BPIFC: variants seen among roughly 807,000 people sequenced by gnomAD.
BPIFC encodes BPI fold-containing family C protein.
BPIFC carries 60 observed loss-of-function variants against 57.6 expected under a neutral mutation model. That is an observed-to-expected ratio of 1.04 (90% CI 0.85 to 1.29). The LOEUF is 1.29. Among genes scored for constraint, BPIFC ranks in the 50% most tolerant of loss-of-function variants. The pLI is 0.00. For missense variants in BPIFC, 581 were observed against 600.5 expected (o/e 0.97, Z 0.34); for synonymous variants, 243 against 224.5 (o/e 1.08, Z -0.74).
chr22:32,459,621 C>A, intron 2 of BPIFC, among the ~76,000 whole-genome samples: 1 of 151,924 alleles, frequency 6.6e-6, no homozygotes, highest in East Asian at 1.9e-4. Context: ...CGAGATCATG[C>A]CACTGCACTC....
chr22:32,454,207 G>C (rs1194427949), intron 3 of BPIFC, among the ~76,000 whole-genome samples: 2 of 152,116 alleles, frequency 1.3e-5, no homozygotes, highest in African/African-American at 2.4e-5. Flanking sequence ...GTGTGCTATG[G>C]ACAGTTCCAG....
At chr22:32,443,191 T>A (rs1934616513) in intron 7 of BPIFC, among the ~76,000 whole-genome samples, 1 of 145,420 alleles carries the variant, frequency 6.9e-6, no homozygotes, top group African/African-American at 2.6e-5. Context: ...TGAGACGAAG[T>A]CTCGCTCTGT....
In BPIFC at chr22:32,461,679, T is replaced by C. The variant is rs1935162812; in HGVS notation, c.-88-18A>G. 2 of 981,682 alleles carry C rather than the reference T, an allele frequency of 2.0e-6. No homozygotes were observed. The highest frequency in any genetic ancestry group is 6.2e-5 in the Admixed American group (1 of 16,258). The allele number at this position is 981,682 out of a possible 1,614,324, so 60.8% of individuals were successfully genotyped here. A position where few individuals can be genotyped will look rare whatever the true frequency, so the allele number is the denominator to read the frequency against. ...AAGGTGTCCTGGAAAGGGGGATAAG[T>C]AGAGATGAACTATGGGAGTGAGGAG... On this transcript the variant is annotated intron_variant, in intron 1 of 16. Transcript: ENST00000300399.
intron 13 of BPIFC, among the ~76,000 whole-genome samples, chr22:32,427,691 G>T (rs920343948): frequency 1.3e-5 from 2 of 152,016 alleles, no homozygotes; most frequent in Non-Finnish European, 2.9e-5. Context: ...ATGCTCTCTG[G>T]CTTTCATCCT....
chr22:32,415,844 C>G (rs1380118463), intron 16 of BPIFC, 71 bp downstream of exon 16: 1 of 1,092,224 alleles, frequency 9.2e-7, no homozygotes, highest in African/African-American at 1.7e-5. Flanking sequence ...CAAAAACAAG[C>G]AAAACAGGAG....
At chr22:32,451,661 C>T (rs570180653) in intron 4 of BPIFC, among the ~76,000 whole-genome samples, 4 of 151,900 alleles carry the variant, frequency 2.6e-5, no homozygotes, top group African/African-American at 4.8e-5. Flanking sequence ...CAAACCTGCA[C>T]GTCGTGCACA....
chr22:32,446,054 T>C, intron 5 of BPIFC, 58 bp from the exon 6 acceptor site: 1 of 1,580,892 alleles, frequency 6.3e-7, no homozygotes. Flanking sequence ...ATGGATCTTG[T>C]TTCTCTGATT....
intron 6 of BPIFC, 37 bp from the exon 7 acceptor site, chr22:32,445,735 A>G (rs2145950576): frequency 6.6e-7 from 1 of 1,520,378 alleles, no homozygotes; most frequent in East Asian, 2.3e-5. Context: ...AAAAAAAAAA[A>G]GAGGTTACTC....
chr22:32,439,332 A>G (rs575786304), intron 8 of BPIFC, among the ~76,000 whole-genome samples: 17 of 152,248 alleles, frequency 1.1e-4, no homozygotes, highest in Admixed American at 1.0e-3. Context: ...TCTAAAAAAA[A>G]AAAAATAAAT....
intron 2 of BPIFC, among the ~76,000 whole-genome samples, chr22:32,458,250 C>T (rs1935086223): frequency 6.6e-6 from 1 of 152,162 alleles, no homozygotes; most frequent in Non-Finnish European, 1.5e-5. Flanking sequence ...CACTGGCTAA[C>T]TTGATCTTTC....
In BPIFC at chr22:32,434,512, C is replaced by A. The variant is rs190020252; in HGVS notation, c.925-740G>T. Among the ~76,000 whole-genome samples, 53 of 150,246 alleles carry A rather than the reference C, an allele frequency of 3.5e-4. No individual in the cohort carries two copies. In the East Asian group the frequency reaches 0.01, roughly 29 times the overall value. On this transcript the variant is annotated intron_variant, in intron 10 of 16. Transcript: ENST00000300399. ...ATATTACAATCTATATGTACATAGTCTTTATTTATATATATATTACAATCT... is the reference window on the plus strand; with the variant it reads ...ATATTACAATCTATATGTACATAGTATTTATTTATATATATATTACAATCT...
chr22:32,428,682 G>C (rs1219238010), intron 13 of BPIFC, among the ~76,000 whole-genome samples: 1 of 152,106 alleles, frequency 6.6e-6, no homozygotes, highest in African/African-American at 2.4e-5. Context: ...CAGATCGCCT[G>C]AGGTCAGGAG....
intron 8 of BPIFC, among the ~76,000 whole-genome samples, chr22:32,442,204 G>A (rs955626787): frequency 1.3e-5 from 2 of 152,182 alleles, no homozygotes; most frequent in African/African-American, 4.8e-5. Flanking sequence ...TTGATTGCTG[G>A]GGCAGAGAAA....
chr22:32,436,380 GAGGAGGAGGAGGAA>G lies in BPIFC; in HGVS notation c.748-514_748-501del, dbSNP rs761081929. Among the ~76,000 whole-genome samples the G allele has an allele frequency of 9.6e-3, 354 of 36,836 alleles. 3 individuals are homozygous for G. Among genetic ancestry groups the G allele is most frequent in the African/African-American group, 0.02 (331 of 16,566 alleles). The allele number at this position is 36,836 out of a possible 152,430, so 24.2% of individuals were successfully genotyped here. A position where few individuals can be genotyped will look rare whatever the true frequency, so the allele number is the denominator to read the frequency against. ...GGAGGAGGAGGAGGAGGAGGAGGAA[GAGGAGGAGGAGGAA>G]GAGGAGGAGGAGGAGGGAAAAGAAG... is the stretch of plus-strand genomic sequence containing the variant. On this transcript the variant is annotated intron_variant, in intron 9 of 16. Coordinates refer to ENST00000300399, the MANE Select transcript of BPIFC (RefSeq NM_174932.3).
chr22:32,434,320 ACT>A (rs1390395991), intron 10 of BPIFC, among the ~76,000 whole-genome samples: 1 of 147,452 alleles, frequency 6.8e-6, no homozygotes, highest in East Asian at 2.0e-4. Flanking sequence ...TATATATTAC[ACT>A]CTGTGTACAT....
At chr22:32,428,276 C>CGCGTGT (rs1397372007) in intron 13 of BPIFC, among the ~76,000 whole-genome samples, 2 of 146,460 alleles carry the variant, frequency 1.4e-5, no homozygotes, top group Non-Finnish European at 3.0e-5. Flanking sequence ...TGTGCGCGCG[C>CGCGTGT]GTGTGTGTGT....
chr22:32,442,354 C>G (rs1264865005), intron 8 of BPIFC, among the ~76,000 whole-genome samples: 2 of 152,160 alleles, frequency 1.3e-5, no homozygotes, highest in Admixed American at 1.3e-4. Flanking sequence ...TGGTCAAGAT[C>G]AGTGTTAATC....
At chr22:32,447,607 C>CT (rs11375413) in intron 4 of BPIFC, among the ~76,000 whole-genome samples, 40,373 of 132,736 alleles carry the variant, frequency 0.3, 6,797 homozygotes, top group African/African-American at 0.41. Context: ...CTCTCGCTCT[C>CT]TTTTTTTTTT....
chr22:32,441,730 G>A (rs567532672), intron 8 of BPIFC, among the ~76,000 whole-genome samples: 3 of 152,308 alleles, frequency 2.0e-5, no homozygotes, highest in African/African-American at 7.2e-5. Flanking sequence ...GCTAAACTCT[G>A]CAGGTTTAGA....
Sources: gnomAD v4.1 joint callset for allele counts (sites outside exome capture counted in the v4.1 genomes callset) on GRCh38, gnomAD v4.1.1 for gene constraint, MANE v1.5 for transcripts, NCBI Gene and HGNC (gene_info 2026-07-23, HGNC 2026-07-21) for gene names.